HPSE2: variants seen among roughly 807,000 people sequenced by gnomAD.
HPSE2 encodes inactive heparanase-2.
A neutral mutation model predicts 60.5 loss-of-function variants in HPSE2; 38 were observed. The observed-to-expected ratio is 0.63, with a 90% CI of 0.48 to 0.82. HPSE2 has a LOEUF of 0.82. HPSE2 is among the 40% of genes least tolerant of loss of function. The pLI is 0.00. For synonymous variants in HPSE2, 295 were observed against 293.2 expected, an observed-to-expected ratio of 1.01 and a Z score of -0.06; for missense variants, 713 against 740.4, an observed-to-expected ratio of 0.96 and a Z score of 0.43.
chr10:99,114,188 C>T (rs1844583676), intron 3 of HPSE2, among the ~76,000 whole-genome samples: 1 of 152,230 alleles, frequency 6.6e-6, no homozygotes, highest in Non-Finnish European at 1.5e-5. Flanking sequence ...CCTTGCATAT[C>T]TTCTGAAGTG....
At chr10:98,881,383 G>A (rs1055340613) in intron 3 of HPSE2, among the ~76,000 whole-genome samples, 4 of 152,030 alleles carry the variant, frequency 2.6e-5, no homozygotes, top group Non-Finnish European at 5.9e-5. Context: ...AGTTGGGAGG[G>A]ATGTGCTAAG....
chr10:99,118,359 T>C (rs993685489), intron 3 of HPSE2, among the ~76,000 whole-genome samples: 3 of 151,208 alleles, frequency 2.0e-5, no homozygotes, highest in African/African-American at 7.3e-5. Flanking sequence ...CTGTCTCTAC[T>C]AAAAATACAA....
chr10:98,913,625 GA>G, intron 3 of HPSE2, among the ~76,000 whole-genome samples: 1 of 152,174 alleles, frequency 6.6e-6, no homozygotes, highest in African/African-American at 2.4e-5. Flanking sequence ...CATTTTTGAG[GA>G]AAAAATGGCC....
chr10:98,619,422 A>C (rs10748747), intron 8 of HPSE2, among the ~76,000 whole-genome samples: 29 of 151,866 alleles, frequency 1.9e-4, no homozygotes, highest in African/African-American at 6.3e-4. Context: ...TTCCTTCCCA[A>C]CTCTTGTGAC....
intron 3 of HPSE2, among the ~76,000 whole-genome samples, chr10:99,053,853 C>T (rs557230210): frequency 3.3e-5 from 5 of 150,742 alleles, no homozygotes; most frequent in South Asian, 4.2e-4. Context: ...CTCAGCCTCC[C>T]GAATGCTGGG....
chr10:99,242,463 A>C, the HPSE2 span, among the ~76,000 whole-genome samples: 3 of 152,162 alleles, frequency 2.0e-5, no homozygotes, highest in Non-Finnish European at 2.9e-5. Context: ...ATTGACTCTA[A>C]TAAGTTCAGT....
intron 3 of HPSE2, among the ~76,000 whole-genome samples, chr10:98,936,782 T>C (rs1203215834): frequency 2.1e-5 from 3 of 141,636 alleles, no homozygotes; most frequent in Non-Finnish European, 3.0e-5. Context: ...AGTTCAAGAC[T>C]AGCCTGGCCA....
chr10:98,635,504 G>A (rs1000113900), intron 7 of HPSE2, among the ~76,000 whole-genome samples: 2 of 152,196 alleles, frequency 1.3e-5, no homozygotes, highest in Non-Finnish European at 2.9e-5. Flanking sequence ...AACGGAGCCA[G>A]GTGTGGTGGC....
intron 10 of HPSE2, 85 bp downstream of exon 10, chr10:98,489,966 A>G: frequency 6.6e-7 from 1 of 1,514,950 alleles, no homozygotes; most frequent in Non-Finnish European, 9.2e-7. Context: ...AGATTAGTGA[A>G]TGGAGATGAG....
At chr10:98,534,954 A>G (rs1420923332) in intron 9 of HPSE2, among the ~76,000 whole-genome samples, 1 of 129,022 alleles carries the variant, frequency 7.8e-6, no homozygotes, top group African/African-American at 2.4e-5. Context: ...ATGTTTGATA[A>G]AAAGTTAGCA....
At chr10:98,979,317 A>T (rs1956156317) in intron 3 of HPSE2, among the ~76,000 whole-genome samples, 1 of 152,216 alleles carries the variant, frequency 6.6e-6, no homozygotes, top group East Asian at 1.9e-4. Context: ...CACACCAGAC[A>T]GTGCTAAAAT....
chr10:99,203,972 T>C (rs1848661248), intron 2 of HPSE2, among the ~76,000 whole-genome samples: 1 of 151,860 alleles, frequency 6.6e-6, no homozygotes. Context: ...ACCCAGGCTA[T>C]AGGCCAGCAC....
chr10:98,489,393 A>T (rs1212763125), intron 10 of HPSE2, among the ~76,000 whole-genome samples: 1 of 152,224 alleles, frequency 6.6e-6, no homozygotes, highest in African/African-American at 2.4e-5. Context: ...AGTTCTTCAG[A>T]TCAAAAAGAG....
chr10:98,641,008 T>A (rs1351597744), intron 7 of HPSE2, among the ~76,000 whole-genome samples: 2 of 152,192 alleles, frequency 1.3e-5, no homozygotes, highest in African/African-American at 4.8e-5. Flanking sequence ...TGACCAAAGG[T>A]GTGCTGATAG....
Position 99,220,854 on chromosome 10 carries a change from CTTTTT to C in HPSE2, c.448+11489_448+11493del, listed in dbSNP as rs1210143115. Among the ~76,000 whole-genome samples the C allele has an allele frequency of 1.5e-3, 134 of 88,624 alleles. 2 individuals are homozygous for C. The highest frequency in any genetic ancestry group is 5.7e-3 in the African/African-American group (128 of 22,344). 58.1% of individuals were successfully genotyped at this position (88,624 alleles called of 152,430 possible). On this transcript the variant is annotated intron_variant, in intron 2 of 11. Transcript: ENST00000370552. ...AATGGAACATGAAGGGAGGCTTTCA[CTTTTT>C]TTTTTTTTTTTTTTTGACGGAGTTT...
intron 9 of HPSE2, among the ~76,000 whole-genome samples, chr10:98,568,530 A>C (rs903582960): frequency 4.6e-5 from 7 of 152,156 alleles, no homozygotes; most frequent in African/African-American, 1.7e-4. Flanking sequence ...GTGGGCATAG[A>C]GCAGTCTCTA....
intron 3 of HPSE2, among the ~76,000 whole-genome samples, chr10:99,015,020 T>C (rs1957106232): frequency 6.6e-6 from 1 of 152,048 alleles, no homozygotes. Flanking sequence ...TATGAACAGA[T>C]GCTTCTCAAA....
At chr10:99,016,212 T>C (rs1031999543) in intron 3 of HPSE2, among the ~76,000 whole-genome samples, 4 of 152,170 alleles carry the variant, frequency 2.6e-5, no homozygotes, top group Admixed American at 2.0e-4. Flanking sequence ...TTTTTATATA[T>C]GGTATAAGGA....
intron 3 of HPSE2, among the ~76,000 whole-genome samples, chr10:99,117,434 A>G (rs1564820907): frequency 7.4e-6 from 1 of 135,266 alleles, no homozygotes; most frequent in Non-Finnish European, 1.7e-5. Context: ...AAAAAAAAAA[A>G]AAAAAAAAAA....
Sources: allele counts gnomAD v4.1 joint callset (sites outside exome capture counted in the v4.1 genomes callset), GRCh38; gene constraint gnomAD v4.1.1; transcripts MANE v1.5; gene names NCBI Gene and HGNC (gene_info 2026-07-23, HGNC 2026-07-21).